ITGA10: variants seen among roughly 807,000 people sequenced by gnomAD.
ITGA10 encodes integrin alpha-10.
In ITGA10, 105 loss-of-function variants were observed where a neutral mutation model predicts 145.2. That is an observed-to-expected ratio of 0.72 (90% CI 0.62 to 0.85). The LOEUF is 0.85. Ranked by LOEUF, ITGA10 falls within the 40% of genes least tolerant of loss-of-function variation. The pLI is 0.00. For missense variants in ITGA10, 1,317 were observed against 1,444.5 expected (o/e 0.91, Z 1.43); for synonymous variants, 506 against 557.8 (o/e 0.91, Z 1.31).
At chr1:145,906,939 G>T in intron 3 of ITGA10, 102 bp downstream of exon 3, 1 of 1,137,610 alleles carries the variant, frequency 8.8e-7, no homozygotes, top group Admixed American at 2.2e-5. Flanking sequence ...GGGACAGGGA[G>T]TATGCGGATT....
At chr1:145,895,843 A>G (rs1553744827) in intron 25 of ITGA10, 132 bp from the exon 26 acceptor site, 4 of 1,015,402 alleles carry the variant, frequency 3.9e-6, no homozygotes, top group African/African-American at 1.6e-5. Flanking sequence ...AATAAGCCAC[A>G]TGTGTAAAAA....
In ITGA10 at chr1:145,901,072, C is replaced by T. The variant is rs1656249698; in HGVS notation, c.1587+63G>A. 1.2e-6 allele frequency: 2 copies of T among 1,612,516 alleles called. No homozygotes were observed. The highest frequency in any genetic ancestry group is 1.1e-5 in the South Asian group (1 of 91,008). On this transcript the variant is annotated intron_variant, in intron 13 of 29. Transcript: ENST00000369304. The surrounding 1 kb of genome is among the most constrained non-coding windows in gnomAD (Gnocchi z 4.3). ...CAAACCCTCAAATATGTGCACCTTC[C>T]CTCCTTTCCTCCCTCCACCCCCACA...
intron 18 of ITGA10, 76 bp downstream of exon 18, chr1:145,898,034 T>A: frequency 7.6e-7 from 1 of 1,320,950 alleles, no homozygotes; most frequent in South Asian, 1.2e-5. Context: ...CATGATCTCA[T>A]GTCTTCTCCC....
intron 14 of ITGA10, 93 bp downstream of exon 14, chr1:145,900,697 G>T: frequency 7.6e-7 from 1 of 1,314,452 alleles, no homozygotes; most frequent in Non-Finnish European, 1.1e-6. Context: ...GTTCAGTTTG[G>T]GTCTCAAGCC....
rs781980900 is a variant in ITGA10, at chr1:145,902,952, C to G, written c.768G>C (p.Gly256=). 11 of 1,598,668 alleles carry G rather than the reference C, an allele frequency of 6.9e-6. No individual in the cohort carries two copies. The Admixed American group carries it at 1.9e-4, about 28-fold the overall frequency. The change falls in exon 8 of 30, where the codon GGG becomes GGC. Residue 256 remains glycine, a synonymous_variant. Transcript: ENST00000369304. Reference sequence around the variant, plus strand: ...GTCGGCCCCCATGGGACTGACTGAACCCTTCTGTGCTGAGAAGAGAAAGGA... The same window carrying G: ...GTCGGCCCCCATGGGACTGACTGAAGCCTTCTGTGCTGAGAAGAGAAAGGA... ...AQAIMVACTE[G]FSQSHGGRPE...
chr1:145,901,723 G>A lies in ITGA10; in HGVS notation c.1295-59C>T. 1 of 1,536,120 alleles carries A rather than the reference G, an allele frequency of 6.5e-7. No homozygotes were observed. The highest frequency in any genetic ancestry group is 8.8e-7 in the Non-Finnish European group (1 of 1,141,614). ...AAGAAGATGGGGTCCAGAGTAGGGG[G>A]GTTCCCTAAAGGCATAGCAGGAGGT... On this transcript the variant is annotated intron_variant, in intron 11 of 29. Coordinates refer to ENST00000369304, the MANE Select transcript of ITGA10 (RefSeq NM_003637.5). The surrounding 1 kb of genome is among the most constrained non-coding windows in gnomAD (Gnocchi z 4.3).
Position 145,907,453 on chromosome 1 carries a change from G to T in ITGA10, c.65C>A (p.Pro22His). 6.2e-7 allele frequency: 1 copy of T among 1,614,116 alleles called. No individual in the cohort carries two copies. The highest frequency in any genetic ancestry group is 8.5e-7 in the Non-Finnish European group (1 of 1,180,014). Residue 22 changes from proline to histidine, a missense_variant, in exon 2 of 30, where the codon CCC becomes CAC. Coordinates refer to ENST00000369304, the MANE Select transcript of ITGA10 (RefSeq NM_003637.5). Reference sequence around the variant, plus strand: ...TGGGTGATGTTCATCCAGGTTAAAGGGGGAGCAGAGACCTGTGGGGTCAGG... The same window carrying T: ...TGGGTGATGTTCATCCAGGTTAAAGTGGGAGCAGAGACCTGTGGGGTCAGG... ...PLVFLTGLCSPFNLDEHHPRL... is the reference protein window; with the variant it reads ...PLVFLTGLCSHFNLDEHHPRL...
Position 145,906,476 on chromosome 1 carries a change from G to T in ITGA10, c.399C>A (p.Gly133=). The stretch of plus-strand genomic sequence containing the variant: ...ATATCCCAGAACTGAAGACAGAGCT[G>T]CCACAAGCACGAGACCAGAGAGGGG... ...ACAPLWSRAC[G]SSVFSSGICA... is the part of the protein sequence containing the mutation. Residue 133 remains glycine, a synonymous_variant, in exon 5 of 30, where the codon GGC becomes GGA. Coordinates refer to ENST00000369304, the MANE Select transcript of ITGA10 (RefSeq NM_003637.5). The T allele has an allele frequency of 6.2e-7, 1 of 1,614,136 alleles. No homozygotes were observed. Among genetic ancestry groups the T allele is most frequent in the Non-Finnish European group, 8.5e-7 (1 of 1,180,024 alleles).
chr1:145,892,712 TC>T lies in ITGA10; in HGVS notation c.*85del, dbSNP rs1489103732. 2.0e-6 allele frequency: 2 copies of T among 1,023,584 alleles called. No individual in the cohort carries two copies. Among genetic ancestry groups the T allele is most frequent in the African/African-American group, 1.6e-5 (1 of 62,636 alleles). The allele number at this position is 1,023,584 out of a possible 1,614,324, so 63.4% of individuals were successfully genotyped here. A position where few individuals can be genotyped will look rare whatever the true frequency, so the allele number is the denominator to read the frequency against. On this transcript the variant is annotated 3_prime_UTR_variant, in exon 30 of 30. Transcript: ENST00000369304. ...GAGATAGTCCAGAGGCGGCTTCTTGTCCCATCTGAGCCCCCAAACCTCTGCT... is the reference window on the plus strand; with the variant it reads ...GAGATAGTCCAGAGGCGGCTTCTTGTCCATCTGAGCCCCCAAACCTCTGCT...
Position 145,892,883 on chromosome 1 carries a change from C to T in ITGA10, c.3439-20G>A, listed in dbSNP as rs782160362. On this transcript the variant is annotated intron_variant, in intron 29 of 29. Coordinates refer to ENST00000369304, the MANE Select transcript of ITGA10 (RefSeq NM_003637.5). ...GCCAAGCTGTAGAAGAAAAGATAAG[C>T]GTCACTGCCAAATGCCTAGACTGGG... 39 of 1,603,970 alleles carry T rather than the reference C, an allele frequency of 2.4e-5. No individual in the cohort carries two copies. Among genetic ancestry groups the T allele is most frequent in the Non-Finnish European group, 3.1e-5 (36 of 1,170,896 alleles).
In ITGA10 at chr1:145,895,262, A is replaced by G. The variant is rs1655219638; in HGVS notation, c.3228+18T>C. 1.3e-6 allele frequency: 2 copies of G among 1,559,786 alleles called. No individual in the cohort carries two copies. Among genetic ancestry groups the G allele is most frequent in the African/African-American group, 1.4e-5 (1 of 74,038 alleles). ...GAAAGGAGCAGAAGTGGGGAGTACT[A>G]GAAAAGGAAAGGCTTACTCTTCGGA... is the stretch of plus-strand genomic sequence containing the variant. On this transcript the variant is annotated intron_variant, in intron 27 of 29. Transcript: ENST00000369304.
At position 145,895,350 on chromosome 1, in the gene ITGA10, C is replaced by T; in HGVS notation, c.3158G>A (p.Gly1053Glu). ...GACCTCAGTCCCCTTTGCCAGCTGC[C>T]CAAGGTGGCACCTCACCACCTGACA... ...TQCQVVRCHL[G>E]QLAKGTEVSV... The change falls in exon 27 of 30, where the codon GGG becomes GAG. Residue 1053 changes from glycine to glutamate, a missense_variant. By Grantham distance (98) the Gly-to-Glu change is moderately conservative. Transcript: ENST00000369304. The T allele has an allele frequency of 1.2e-6, 2 of 1,614,050 alleles. No individual in the cohort carries two copies. The highest frequency in any genetic ancestry group is 1.7e-6 in the Non-Finnish European group (2 of 1,179,936).
At position 145,892,819 on chromosome 1, in the gene ITGA10, T is replaced by TC. The variant is rs782537196; in HGVS notation, c.3482dup (p.Glu1162ArgfsTer11). ...ACATTCATTGCTCCAACTTCTCTTCTCTTTTTTCTTCCTCAGGGATTTTCT... is the reference window on the plus strand; with the variant it reads ...ACATTCATTGCTCCAACTTCTCTTCTCCTTTTTTCTTCCTCAGGGATTTTCT... On this transcript the variant is annotated frameshift_variant, in exon 30 of 30. Transcript: ENST00000369304. LOFTEE classifies it high-confidence loss of function. The TC allele has an allele frequency of 1.2e-6, 2 of 1,613,770 alleles. No individual in the cohort carries two copies. Among genetic ancestry groups the TC allele is most frequent in the African/African-American group, 1.3e-5 (1 of 75,024 alleles).
Position 145,902,285 on chromosome 1 carries a change from C to T in ITGA10, c.1110G>A (p.Leu370=), listed in dbSNP as rs1018069060. ...SHAENESSFG[L]EMSQIGFSTH... is the part of the protein sequence containing the mutation. ...TGGAGAAACCAATCTGAGACATTTC[C>T]AGCCCAAAGGAGCTTTCGTTTTCTG... Residue 370 remains leucine, a synonymous_variant, in exon 10 of 30, where the codon CTG becomes CTA. Coordinates refer to ENST00000369304, the MANE Select transcript of ITGA10 (RefSeq NM_003637.5). 3.1e-6 allele frequency: 5 copies of T among 1,614,132 alleles called. No individual in the cohort carries two copies. The highest frequency in any genetic ancestry group is 4.2e-6 in the Non-Finnish European group (5 of 1,180,036).
chr1:145,904,396 G>T (rs1647119613), intron 6 of ITGA10, among the ~76,000 whole-genome samples, 196 bp from the exon 7 acceptor site: 1 of 151,704 alleles, frequency 6.6e-6, no homozygotes, highest in African/African-American at 2.4e-5. Flanking sequence ...AAGAAATGAG[G>T]TCTCACTCTT....
At chr1:145,894,188 T>G (rs939637015) in intron 27 of ITGA10, among the ~76,000 whole-genome samples, 1 of 150,092 alleles carries the variant, frequency 6.7e-6, no homozygotes, top group Non-Finnish European at 1.5e-5. Context: ...CTCGGCTCAC[T>G]GCAAACTCCA....
In ITGA10 at chr1:145,900,155, G is replaced by A. The variant is rs1553747488; in HGVS notation, c.1824C>T (p.Leu608=). The change falls in exon 15 of 30, where the codon CTC becomes CTT. Residue 608 remains leucine (L), a synonymous_variant. Transcript: ENST00000369304. ...RIAAASMPHA[L]SYFGRSVDGR... ...CATCCACACTTCGGCCAAAGTAGCT[G>A]AGGGCATGTGGCATGGAGGCAGCAG... 1 of 1,613,916 alleles carries A rather than the reference G, an allele frequency of 6.2e-7. No homozygotes were observed. The highest frequency in any genetic ancestry group is 1.7e-5 in the Admixed American group (1 of 59,996).
At chr1:145,895,255 G>T in intron 27 of ITGA10, 25 bp downstream of exon 27, 1 of 1,496,046 alleles carries the variant, frequency 6.7e-7, no homozygotes, top group Non-Finnish European at 9.3e-7. Flanking sequence ...CAGAAGTGGG[G>T]AGTACTAGAA....
chr1:145,896,839 CAT>C lies in ITGA10; in HGVS notation c.2762_2763del (p.Asn921ArgfsTer6), dbSNP rs1553745293. 2.5e-6 allele frequency: 4 copies of C among 1,613,990 alleles called. No individual in the cohort carries two copies. In the South Asian group the frequency reaches 4.4e-5, roughly 18 times the overall value. ...TGGGCTGTGTTATCTTGAAGGGTCC[CAT>C]TTCTCTCCAGGCTGTCACTGTAGGG... ...LTASSDSLER[N>X]GTLQDNTAQT... On this transcript the variant is annotated frameshift_variant, in exon 23 of 30. Coordinates refer to ENST00000369304, the MANE Select transcript of ITGA10 (RefSeq NM_003637.5). LOFTEE classifies it high-confidence loss of function.
Sources: gnomAD v4.1 joint callset for allele counts (sites outside exome capture counted in the v4.1 genomes callset) on GRCh38, gnomAD v4.1.1 for gene constraint, Gnocchi (gnomAD v3.1) non-coding constraint, MANE v1.5 for transcripts, NCBI Gene and HGNC (gene_info 2026-07-23, HGNC 2026-07-21) for gene names.